Variants in OTUB2 observed in about 807,000 individuals in gnomAD.
OTUB2 encodes ubiquitin thioesterase OTUB2.
In OTUB2, 21 loss-of-function variants were observed where a neutral mutation model predicts 25.1. That is an observed-to-expected ratio of 0.84 (90% CI 0.59 to 1.21). OTUB2 has a LOEUF of 1.21. Among genes scored for constraint, OTUB2 ranks in the 50% most tolerant of loss-of-function variants. The probability of loss-of-function intolerance (pLI) is 0.00; values close to 1 mark genes in which losing one functional copy is unlikely to be tolerated. For synonymous variants in OTUB2, 122 were observed against 122.8 expected (o/e 0.99, Z 0.04); for missense variants, 283 against 298.0 (o/e 0.95, Z 0.37).
intron 1 of OTUB2, among the ~76,000 whole-genome samples, chr14:94,036,989 G>T (rs534190518): frequency 6.6e-6 from 1 of 152,180 alleles, no homozygotes; most frequent in Non-Finnish European, 1.5e-5. Context: ...GGAATTGTTG[G>T]ATGAGTAAAA....
chr14:94,036,929 T>C (rs976228209), intron 1 of OTUB2, among the ~76,000 whole-genome samples: 1 of 152,180 alleles, frequency 6.6e-6, no homozygotes, highest in African/African-American at 2.4e-5. Flanking sequence ...TAGACGTCCT[T>C]CCTTCTGTAT....
At chr14:94,029,922 G>A (rs966102054) in intron 1 of OTUB2, among the ~76,000 whole-genome samples, 1 of 152,222 alleles carries the variant, frequency 6.6e-6, no homozygotes, top group Non-Finnish European at 1.5e-5. Context: ...CTCTGAGGAG[G>A]TGATGCCACC....
At chr14:94,040,901 G>A (rs541557386) in intron 3 of OTUB2, among the ~76,000 whole-genome samples, 3 of 152,226 alleles carry the variant, frequency 2.0e-5, no homozygotes, top group Non-Finnish European at 4.4e-5. Flanking sequence ...AGGTAAGGGC[G>A]GCAGGGCACA....
At chr14:94,027,203 G>C (rs1884882776) in intron 1 of OTUB2, among the ~76,000 whole-genome samples, 1 of 152,242 alleles carries the variant, frequency 6.6e-6, no homozygotes. Context: ...GCTAACCCTG[G>C]GCTTGGGCAG....
Position 94,032,914 on chromosome 14 carries a change from A to G in OTUB2, c.4-4466A>G, listed in dbSNP as rs146642203. On this transcript the variant is annotated intron_variant, in intron 1 of 5. Transcript: ENST00000203664. ...GCAGATGGGAGGGCTCCGAACTGCT[A>G]TGTAGTATTTTCTTCTTTTTGGAAA... 2.8e-3 allele frequency among the ~76,000 whole-genome samples: 430 copies of G among 152,226 alleles called. 3 individuals carry two copies. Among genetic ancestry groups the G allele is most frequent in the African/African-American group, 9.9e-3 (410 of 41,526 alleles).
At chr14:94,033,487 G>A (rs1884996876) in intron 1 of OTUB2, among the ~76,000 whole-genome samples, 1 of 152,238 alleles carries the variant, frequency 6.6e-6, no homozygotes, top group Admixed American at 6.5e-5. Context: ...CAGAGGAAAT[G>A]TAGCTGATTT....
chr14:94,033,663 T>C (rs569213374), intron 1 of OTUB2, among the ~76,000 whole-genome samples: 1 of 152,362 alleles, frequency 6.6e-6, no homozygotes, highest in Admixed American at 6.5e-5. Context: ...TATAAACAAA[T>C]TGTTAGATAA....
intron 5 of OTUB2, among the ~76,000 whole-genome samples, chr14:94,045,099 A>G (rs564870600): frequency 5.0e-4 from 76 of 152,340 alleles, no homozygotes; most frequent in African/African-American, 1.7e-3. Context: ...TTTACCAGAA[A>G]GAGTTGCCGA....
intron 3 of OTUB2, among the ~76,000 whole-genome samples, chr14:94,041,506 T>C (rs755757077): frequency 3.9e-5 from 6 of 152,156 alleles, no homozygotes; most frequent in Admixed American, 6.5e-5. Flanking sequence ...CTATGTTGCC[T>C]AGGCTGGCCT....
chr14:94,028,939 G>T lies in OTUB2; in HGVS notation c.3+2399G>T, dbSNP rs191551228. 1.3e-3 allele frequency among the ~76,000 whole-genome samples: 203 copies of T among 152,282 alleles called. 2 individuals carry two copies. Among genetic ancestry groups the T allele is most frequent in the African/African-American group, 4.8e-3 (199 of 41,556 alleles). On this transcript the variant is annotated intron_variant, in intron 1 of 5. Coordinates refer to ENST00000203664, the MANE Select transcript of OTUB2 (RefSeq NM_023112.4). ...CACATTCCTTTTGGCGGGTGCGGGG[G>T]GACAGTGGGCTATCAGGCCTTGAAG...
At position 94,043,929 on chromosome 14, in the gene OTUB2, C is replaced by CGCT. The variant is rs777358513; in HGVS notation, c.219-40_219-38dup. On this transcript the variant is annotated intron_variant, in intron 3 of 5. Coordinates refer to ENST00000203664, the MANE Select transcript of OTUB2 (RefSeq NM_023112.4). ...GCACAGTTGCCAATCACAGCACTCT[C>CGCT]GCTGTGTTTCCCTGTAAACACTCAG... is the stretch of plus-strand genomic sequence containing the variant. 3 of 1,553,698 alleles carry CGCT rather than the reference C, an allele frequency of 1.9e-6. No homozygotes were observed. The African/African-American group carries it at 4.1e-5, about 21-fold the overall frequency.
At chr14:94,038,861 C>A in intron 2 of OTUB2, 102 bp from the exon 3 acceptor site, 1 of 992,954 alleles carries the variant, frequency 1.0e-6, no homozygotes. Flanking sequence ...AGGGAGCAGA[C>A]ATTTCCTGGG....
chr14:94,044,752 A>G lies in OTUB2; in HGVS notation c.470A>G (p.Glu157Gly). ...TTCTTCCGGCACTTCATTGATGAGG[A>G]GATGGACATCAAAGACTTCTGCACT... ...ADFFRHFIDEEMDIKDFCTHE... is the reference protein window; with the variant it reads ...ADFFRHFIDEGMDIKDFCTHE... The change falls in exon 5 of 6, where the codon GAG becomes GGG. Residue 157 changes from glutamate (E) to glycine (G), a missense_variant. Transcript: ENST00000203664. 1 of 1,613,520 alleles carries G rather than the reference A, an allele frequency of 6.2e-7. No homozygotes were observed. The highest frequency in any genetic ancestry group is 8.5e-7 in the Non-Finnish European group (1 of 1,179,994).
In OTUB2 at chr14:94,046,241, C is replaced by A; in HGVS notation, c.*319C>A. ...CAACTGGAGGAGGTCCCTGCCTATGCTGACATTCCATTGTAGAAAAATGGG... is the reference window on the plus strand; with the variant it reads ...CAACTGGAGGAGGTCCCTGCCTATGATGACATTCCATTGTAGAAAAATGGG... On this transcript the variant is annotated 3_prime_UTR_variant, in exon 6 of 6. Transcript: ENST00000203664. 2.3e-6 allele frequency: 1 copy of A among 443,784 alleles called. No individual in the cohort carries two copies. Among genetic ancestry groups the A allele is most frequent in the East Asian group, 4.1e-5 (1 of 24,192 alleles). The allele number at this position is 443,784 out of a possible 1,614,324, so 27.5% of individuals were successfully genotyped here. A position where few individuals can be genotyped will look rare whatever the true frequency, so the allele number is the denominator to read the frequency against.
rs1190343583 is a variant in OTUB2 at position 94,046,998 on chromosome 14, C to T, written c.*1076C>T. 6.6e-6 allele frequency: 1 copy of T among 152,332 alleles called. No individual in the cohort carries two copies. Among genetic ancestry groups the T allele is most frequent in the Non-Finnish European group, 1.5e-5 (1 of 68,138 alleles). 9.4% of individuals were successfully genotyped at this position (152,332 alleles called of 1,614,324 possible). A position where few individuals can be genotyped will look rare whatever the true frequency, so the allele number is the denominator to read the frequency against. On this transcript the variant is annotated 3_prime_UTR_variant, in exon 6 of 6. Coordinates refer to ENST00000203664, the MANE Select transcript of OTUB2 (RefSeq NM_023112.4). ...GGCCAGCAGCTTCCTCCTTCAGCCACCTGGCCATACCCCTTAAATAAGCCC... is the reference window on the plus strand; with the variant it reads ...GGCCAGCAGCTTCCTCCTTCAGCCATCTGGCCATACCCCTTAAATAAGCCC...
intron 1 of OTUB2, among the ~76,000 whole-genome samples, chr14:94,029,274 A>T (rs530275504): frequency 6.6e-6 from 1 of 152,320 alleles, no homozygotes; most frequent in South Asian, 2.1e-4. Flanking sequence ...CTATTCATTC[A>T]TGCAGTGTGT....
intron 1 of OTUB2, among the ~76,000 whole-genome samples, chr14:94,028,167 C>T (rs1388338786): frequency 6.6e-6 from 1 of 152,184 alleles, no homozygotes; most frequent in African/African-American, 2.4e-5. Context: ...GGTGCCTTGG[C>T]GAAGGATGAA....
In OTUB2 at chr14:94,026,556, G is replaced by A. The variant is rs980700845; in HGVS notation, c.3+16G>A. ...GGTCACTATGGTCAGTGATCGTGGG[G>A]GATCGCGAAGGGGGAGCGGGCAGGG... On this transcript the variant is annotated intron_variant, in intron 1 of 5. Transcript: ENST00000203664. The A allele has an allele frequency of 8.0e-7, 1 of 1,243,562 alleles. No homozygotes were observed. The highest frequency in any genetic ancestry group is 1.0e-6 in the Non-Finnish European group (1 of 989,794). The allele number at this position is 1,243,562 out of a possible 1,614,324, so 77.0% of individuals were successfully genotyped here.
At position 94,047,939 on chromosome 14, in the gene OTUB2, G is replaced by C. The variant is rs549118152; in HGVS notation, c.*2017G>C. On this transcript the variant is annotated 3_prime_UTR_variant, in exon 6 of 6. Transcript: ENST00000203664. ...GAAAAGAATCTATTCTATCACTTCA[G>C]AATCAGGACACTCAAGCTCTGGCAG... is the stretch of plus-strand genomic sequence containing the variant. 2 of 152,350 alleles carry C rather than the reference G, an allele frequency of 1.3e-5. No homozygotes were observed. Among genetic ancestry groups the C allele is most frequent in the African/African-American group, 4.8e-5 (2 of 41,566 alleles). 9.4% of individuals were successfully genotyped at this position (152,350 alleles called of 1,614,324 possible).
Sources: allele counts gnomAD v4.1 joint callset (sites outside exome capture counted in the v4.1 genomes callset), GRCh38; gene constraint gnomAD v4.1.1; transcripts MANE v1.5; gene names NCBI Gene and HGNC (gene_info 2026-07-23, HGNC 2026-07-21).